CYB5RL: variants seen among roughly 807,000 people sequenced by gnomAD.
The protein encoded by CYB5RL is cytochrome b5 reductase like, also known as NADH-cytochrome b5 reductase-like.
CYB5RL carries 38 observed loss-of-function variants against 37.5 expected under a neutral mutation model. That is an observed-to-expected ratio of 1.01 (90% CI 0.78 to 1.33). CYB5RL has a LOEUF of 1.33. Ranked by LOEUF, CYB5RL falls within the 40% of genes most tolerant of loss-of-function variation. CYB5RL has a pLI of 0.00. For synonymous variants in CYB5RL, 141 were observed against 151.9 expected, an observed-to-expected ratio of 0.93 and a Z score of 0.53; for missense variants, 388 against 394.4, an observed-to-expected ratio of 0.98 and a Z score of 0.14.
chr1:54,172,149 C>T lies in CYB5RL; in HGVS notation c.*2470G>A, dbSNP rs946409219. The T allele has an allele frequency of 6.6e-6, 1 of 152,068 alleles. No individual in the cohort carries two copies. Among genetic ancestry groups the T allele is most frequent in the African/African-American group, 2.4e-5 (1 of 41,380 alleles). The allele number at this position is 152,068 out of a possible 1,614,324, so 9.4% of individuals were successfully genotyped here. On this transcript the variant is annotated 3_prime_UTR_variant, in exon 8 of 8. Transcript: ENST00000534324. Reference sequence around the variant, plus strand: ...CTCTCTACTCCTTAAGTGGAGACCCCCTTAACACTCTTTTTGATTTTATTA... The same window carrying T: ...CTCTCTACTCCTTAAGTGGAGACCCTCTTAACACTCTTTTTGATTTTATTA...
chr1:54,194,465 G>A (rs769163490), intron 3 of CYB5RL, among the ~76,000 whole-genome samples: 1 of 152,150 alleles, frequency 6.6e-6, no homozygotes, highest in Admixed American at 6.6e-5. Context: ...GTGTAAAAAT[G>A]ACTAAGCTTT....
chr1:54,179,000 C>A, intron 7 of CYB5RL, 149 bp downstream of exon 7: 1 of 875,254 alleles, frequency 1.1e-6, no homozygotes, highest in Middle Eastern at 3.1e-4. Context: ...ATGAGAACAC[C>A]TGCCTTCCAT....
chr1:54,194,789 T>A (rs1643991224), intron 3 of CYB5RL, among the ~76,000 whole-genome samples: 1 of 152,164 alleles, frequency 6.6e-6, no homozygotes, highest in South Asian at 2.1e-4. Context: ...AGGGACAGAT[T>A]CAAAACAAAA....
chr1:54,184,013 A>T, intron 6 of CYB5RL, 148 bp downstream of exon 6: 1 of 519,116 alleles, frequency 1.9e-6, no homozygotes, highest in Non-Finnish European at 3.4e-6. Flanking sequence ...ATAAGTGTCT[A>T]TTCCATCTTC....
intron 6 of CYB5RL, 125 bp downstream of exon 6, chr1:54,184,036 C>A (rs896854312): frequency 1.2e-5 from 8 of 651,714 alleles, no homozygotes; most frequent in Non-Finnish European, 1.8e-5. Context: ...CCATGTCCAA[C>A]CCCAAGGATA....
At chr1:54,183,360 T>C (rs1433204438) in intron 6 of CYB5RL, among the ~76,000 whole-genome samples, 1 of 152,230 alleles carries the variant, frequency 6.6e-6, no homozygotes, top group African/African-American at 2.4e-5. Context: ...GTGGAATTAC[T>C]GGGGCCAAGG....
At chr1:54,183,569 C>T (rs546902220) in intron 6 of CYB5RL, among the ~76,000 whole-genome samples, 2 of 152,292 alleles carry the variant, frequency 1.3e-5, no homozygotes, top group African/African-American at 4.8e-5. Flanking sequence ...ATTGGAAAGG[C>T]GCCTGAGGGT....
rs199663086 is a variant in CYB5RL, at chr1:54,174,718, C to T, written c.849G>A (p.Lys283=). Residue 283 remains lysine, a synonymous_variant, in exon 8 of 8, where the codon AAG becomes AAA. Transcript: ENST00000534324. ...IKELVSCCRR[K]PFALVCGSAE... ...CCGAGCCACAGACCAGTGCGAATGG[C>T]TTTCTCCGACAGCAGCTGACCAGCT... 14 of 1,614,014 alleles carry T rather than the reference C, an allele frequency of 8.7e-6. No individual in the cohort carries two copies. Among genetic ancestry groups the T allele is most frequent in the Non-Finnish European group, 2.5e-6 (3 of 1,179,894 alleles).
At chr1:54,187,509 G>A (rs1272971528) in intron 5 of CYB5RL, 143 bp downstream of exon 5, 2 of 744,558 alleles carry the variant, frequency 2.7e-6, no homozygotes, top group East Asian at 5.4e-5. Context: ...TCTGTTCCAG[G>A]ACAAAGGACT....
rs182307543 is a variant in CYB5RL at position 54,183,517 on chromosome 1, G to A, written c.540+644C>T. Reference sequence around the variant, plus strand: ...GAAGAGCCATCTGAGCTAGGAAGCAGGAAGCCATGGGGCATATTTAGTCAT... The same window carrying A: ...GAAGAGCCATCTGAGCTAGGAAGCAAGAAGCCATGGGGCATATTTAGTCAT... On this transcript the variant is annotated intron_variant, in intron 6 of 7. Coordinates refer to ENST00000534324, the MANE Select transcript of CYB5RL (RefSeq NM_001031672.4). Among the ~76,000 whole-genome samples, 774 of 152,310 alleles carry A rather than the reference G, an allele frequency of 5.1e-3. 7 individuals are homozygous for A. Among genetic ancestry groups the A allele is most frequent in the African/African-American group, 0.018 (737 of 41,566 alleles).
intron 1 of CYB5RL, among the ~76,000 whole-genome samples, chr1:54,199,680 G>C (rs150962180): frequency 2.3e-4 from 35 of 152,280 alleles, no homozygotes; most frequent in African/African-American, 7.2e-4. Context: ...GAAAAGCGAG[G>C]AAAGTGGCTC....
chr1:54,172,333 ATCTTT>A lies in CYB5RL; in HGVS notation c.*2281_*2285del, dbSNP rs1298326628. On this transcript the variant is annotated 3_prime_UTR_variant, in exon 8 of 8. Transcript: ENST00000534324. ...AGGCGCATACCACCACATAAGGTTAATCTTTTTTTTTTTTTTTTTTTTGTAGAGAC... is the reference window on the plus strand; with the variant it reads ...AGGCGCATACCACCACATAAGGTTAATTTTTTTTTTTTTTTTTGTAGAGAC... 2.6e-5 allele frequency: 2 copies of A among 77,948 alleles called. No homozygotes were observed. The highest frequency in any genetic ancestry group is 7.9e-4 in the East Asian group (2 of 2,542). 4.8% of individuals were successfully genotyped at this position (77,948 alleles called of 1,614,324 possible). A position where few individuals can be genotyped will look rare whatever the true frequency, so the allele number is the denominator to read the frequency against.
chr1:54,198,522 CG>C (rs1448884508), intron 1 of CYB5RL, among the ~76,000 whole-genome samples: 2 of 151,580 alleles, frequency 1.3e-5, no homozygotes, highest in East Asian at 3.9e-4. Context: ...TTAGTAGAGA[CG>C]GGGTTTCACT....
intron 4 of CYB5RL, among the ~76,000 whole-genome samples, chr1:54,188,485 G>T (rs1643922128): frequency 6.6e-6 from 1 of 152,210 alleles, no homozygotes. Flanking sequence ...GATCCTCAAA[G>T]GGCCCTGGTC....
intron 4 of CYB5RL, 119 bp downstream of exon 4, chr1:54,190,629 C>T: frequency 1.6e-6 from 2 of 1,287,102 alleles, no homozygotes; most frequent in African/African-American, 1.5e-5. Context: ...GTCACTATGT[C>T]TATCTTGAAG....
At chr1:54,195,754 C>A in intron 2 of CYB5RL, 39 bp from the exon 3 acceptor site, 1 of 950,510 alleles carries the variant, frequency 1.1e-6, no homozygotes, top group South Asian at 2.1e-5. Flanking sequence ...CTCTGGTCTC[C>A]TCTATTCCTC....
At chr1:54,187,874 G>A (rs1643916872) in intron 4 of CYB5RL, 135 bp from the exon 5 acceptor site, 3 of 694,488 alleles carry the variant, frequency 4.3e-6, no homozygotes, top group African/African-American at 1.8e-5. Context: ...TCAGGAGTTT[G>A]AGACCAGCCT....
chr1:54,179,494 T>G, intron 6 of CYB5RL, 142 bp from the exon 7 acceptor site: 1 of 781,036 alleles, frequency 1.3e-6, no homozygotes, highest in Non-Finnish European at 2.0e-6. Flanking sequence ...GTCCCCTCTC[T>G]ACCTCCTCCA....
At chr1:54,188,234 C>G (rs1217387744) in intron 4 of CYB5RL, among the ~76,000 whole-genome samples, 1 of 152,230 alleles carries the variant, frequency 6.6e-6, no homozygotes, top group Non-Finnish European at 1.5e-5. Flanking sequence ...AGTAGATCAT[C>G]TCATGCCCCG....
Sources: allele counts gnomAD v4.1 joint callset (sites outside exome capture counted in the v4.1 genomes callset), GRCh38; gene constraint gnomAD v4.1.1; transcripts MANE v1.5; gene names NCBI Gene and HGNC (gene_info 2026-07-23, HGNC 2026-07-21).